Variants in MRS2 observed in about 807,000 individuals in gnomAD.
MRS2 encodes magnesium transporter MRS2, also known as magnesium transporter MRS2 homolog, mitochondrial.
Under a neutral mutation model 52.6 loss-of-function variants are expected in MRS2, and 40 were observed. The observed-to-expected ratio is 0.76, with a 90% CI of 0.59 to 0.99. The LOEUF is 0.99. Ranked by LOEUF, MRS2 falls within the 50% of genes least tolerant of loss-of-function variation. The probability of loss-of-function intolerance (pLI) is 0.00; values close to 1 mark genes in which losing one functional copy is unlikely to be tolerated. For synonymous variants in MRS2, 193 were observed against 195.9 expected, an observed-to-expected ratio of 0.98 and a Z score of 0.13; for missense variants, 472 against 532.7, an observed-to-expected ratio of 0.89 and a Z score of 1.12.
At chr6:24,412,620 CAT>C (rs1444164166) in intron 5 of MRS2, among the ~76,000 whole-genome samples, 1 of 152,186 alleles carries the variant, frequency 6.6e-6, no homozygotes, top group Non-Finnish European at 1.5e-5. Context: ...AAATGCTTGA[CAT>C]GTGATAATTA....
At chr6:24,415,241 CT>C (rs1761808124) in intron 6 of MRS2, 78 bp downstream of exon 6, 4 of 1,444,228 alleles carry the variant, frequency 2.8e-6, no homozygotes, top group Admixed American at 2.0e-5. Flanking sequence ...TGTTTCATAA[CT>C]TTTTTTAAAG....
intron 8 of MRS2, 108 bp from the exon 9 acceptor site, chr6:24,418,346 TATTATTA>T: frequency 8.2e-7 from 1 of 1,212,908 alleles, no homozygotes; most frequent in Non-Finnish European, 1.1e-6. Flanking sequence ...TATACTACAT[TATTATTA>T]TTTTTTTTGT....
rs1761933387 is a variant in MRS2 at position 24,418,510 on chromosome 6, TTC to T, written c.1045_1046del (p.Leu349PhefsTer19). The T allele has an allele frequency of 3.7e-6, 6 of 1,614,090 alleles. No homozygotes were observed. Among genetic ancestry groups the T allele is most frequent in the Non-Finnish European group, 4.2e-6 (5 of 1,179,968 alleles). Reference sequence around the variant, plus strand: ...GAATCTACAGCTGACCATGGGAACCTTCTCTCTTTCGCTCTTTGGACTAATGG... The same window carrying T: ...GAATCTACAGCTGACCATGGGAACCTTCTCTTTCGCTCTTTGGACTAATGG... ...RLNLQLTMGTFSLSLFGLMGV... is the reference protein window; with the variant it reads ...RLNLQLTMGTXSLSLFGLMGV... On this transcript the variant is annotated frameshift_variant, in exon 9 of 11. Transcript: ENST00000378386. LOFTEE classifies it high-confidence loss of function.
At position 24,416,465 on chromosome 6, in the gene MRS2, A is replaced by G; in HGVS notation, c.788A>G (p.Glu263Gly). 1 of 1,605,604 alleles carries G rather than the reference A, an allele frequency of 6.2e-7. No homozygotes were observed. Among genetic ancestry groups the G allele is most frequent in the Non-Finnish European group, 8.5e-7 (1 of 1,173,156 alleles). Reference protein sequence around the residue: ...ESILEILDEEELLEELCVSKW... With the variant: ...ESILEILDEEGLLEELCVSKW... The stretch of plus-strand genomic sequence containing the variant: ...ATTTTGGAGATCTTGGATGAGGAAG[A>G]GTTGCTAGAAGAGCTCTGTGTATCA... Residue 263 changes from glutamate to glycine, a missense_variant, in exon 7 of 11, where the codon GAG becomes GGG. Transcript: ENST00000378386.
At chr6:24,405,626 G>A (rs2127280814) in intron 2 of MRS2, among the ~76,000 whole-genome samples, 1 of 151,890 alleles carries the variant, frequency 6.6e-6, no homozygotes, top group African/African-American at 2.4e-5. Flanking sequence ...TTCGGGGGTG[G>A]GGATGAGGGG....
chr6:24,423,211 C>A, intron 10 of MRS2, 161 bp downstream of exon 10: 1 of 596,140 alleles, frequency 1.7e-6, no homozygotes, highest in Non-Finnish European at 3.0e-6. Flanking sequence ...GTCGGTATTA[C>A]CTGCTTCATA....
Position 24,402,948 on chromosome 6 carries a change from G to A in MRS2, c.-99G>A. The A allele has an allele frequency of 1.7e-6, 2 of 1,164,614 alleles. No individual in the cohort carries two copies. The highest frequency in any genetic ancestry group is 2.4e-6 in the Non-Finnish European group (2 of 838,644). 72.1% of individuals were successfully genotyped at this position (1,164,614 alleles called of 1,614,324 possible). On this transcript the variant is annotated 5_prime_UTR_variant, in exon 1 of 11. Coordinates refer to ENST00000378386, the MANE Select transcript of MRS2 (RefSeq NM_020662.4). ...GCATGCCTGGTGCACAGAGTCTGCA[G>A]GTCGGGCGGTAGCGACAGGTCAGAG...
chr6:24,404,236 T>C (rs998417964), intron 1 of MRS2, among the ~76,000 whole-genome samples: 2 of 148,814 alleles, frequency 1.3e-5, no homozygotes, highest in Non-Finnish European at 3.0e-5. Context: ...TTTCAGCAAG[T>C]TGGAGGAAAC....
At chr6:24,403,927 C>T (rs1197011549) in intron 1 of MRS2, among the ~76,000 whole-genome samples, 2 of 151,934 alleles carry the variant, frequency 1.3e-5, no homozygotes, top group Non-Finnish European at 2.9e-5. Flanking sequence ...AGTAAACAGC[C>T]AGGGAGATCG....
At chr6:24,423,241 A>G in intron 10 of MRS2, 191 bp downstream of exon 10, 2 of 557,266 alleles carry the variant, frequency 3.6e-6, no homozygotes, top group Non-Finnish European at 6.4e-6. Context: ...GAAGAATTAA[A>G]CAATATGTGT....
chr6:24,423,505 G>A (rs1264720292), intron 10 of MRS2, 79 bp from the exon 11 acceptor site: 2 of 704,928 alleles, frequency 2.8e-6, no homozygotes, highest in East Asian at 5.5e-5. Flanking sequence ...TCTTCACTGA[G>A]TAGTTACATA....
chr6:24,415,169 T>G lies in MRS2; in HGVS notation c.719+6T>G. On this transcript the variant is annotated splice_donor_region_variant and intron_variant, in intron 6 of 10. Coordinates refer to ENST00000378386, the MANE Select transcript of MRS2 (RefSeq NM_020662.4). ...TTACTACAGAATGGCAAAAGGTAAATATGGATGATGTATCACATTGGGAGT... is the reference window on the plus strand; with the variant it reads ...TTACTACAGAATGGCAAAAGGTAAAGATGGATGATGTATCACATTGGGAGT... 6.4e-7 allele frequency: 1 copy of G among 1,572,620 alleles called. No homozygotes were observed. The highest frequency in any genetic ancestry group is 8.7e-7 in the Non-Finnish European group (1 of 1,150,260).
Position 24,416,403 on chromosome 6 carries a change from A to T in MRS2, c.726A>T (p.Ser242=). ...GTGTATCTATTTCTTATAGTCTATC[A>T]GAGTTAGAAACAGATATTAAAATTT... ...HILLQNGKSL[S]ELETDIKIFK... The change falls in exon 7 of 11, where the codon TCA becomes TCT. Residue 242 remains serine (S), a synonymous_variant. Transcript: ENST00000378386. 7.4e-7 allele frequency: 1 copy of T among 1,352,704 alleles called. No homozygotes were observed. Among genetic ancestry groups the T allele is most frequent in the Non-Finnish European group, 1.1e-6 (1 of 946,672 alleles). The allele number at this position is 1,352,704 out of a possible 1,614,324, so 83.8% of individuals were successfully genotyped here. A position where few individuals can be genotyped will look rare whatever the true frequency, so the allele number is the denominator to read the frequency against.
intron 9 of MRS2, among the ~76,000 whole-genome samples, chr6:24,421,009 T>A (rs1272972968): frequency 6.6e-6 from 1 of 152,130 alleles, no homozygotes; most frequent in Non-Finnish European, 1.5e-5. Context: ...GAATACCTTG[T>A]GCAACATAAT....
intron 4 of MRS2, chr6:24,410,623 C>A: frequency 1.2e-6 from 1 of 842,596 alleles, no homozygotes; most frequent in Non-Finnish European, 1.7e-6. Context: ...GAGTTTGTGA[C>A]CAGCCTAAGC....
chr6:24,405,691 T>C (rs1279892009), intron 2 of MRS2, among the ~76,000 whole-genome samples: 6 of 151,246 alleles, frequency 4.0e-5, no homozygotes, highest in Admixed American at 1.3e-4. Context: ...AAGAAGGCTG[T>C]TGGGGCAAAA....
At chr6:24,413,125 C>G (rs1170168509) in intron 5 of MRS2, among the ~76,000 whole-genome samples, 1 of 152,026 alleles carries the variant, frequency 6.6e-6, no homozygotes, top group Non-Finnish European at 1.5e-5. Context: ...GCCCAGTTAC[C>G]AAGCAGGGGG....
chr6:24,422,326 AATTCTGTG>A (rs1762072021), intron 9 of MRS2, among the ~76,000 whole-genome samples: 1 of 152,014 alleles, frequency 6.6e-6, no homozygotes, highest in Admixed American at 6.6e-5. Context: ...ATTAAATTTA[AATTCTGTG>A]ATTCTGTACA....
chr6:24,406,962 G>A (rs890712679), intron 2 of MRS2, among the ~76,000 whole-genome samples: 5 of 151,968 alleles, frequency 3.3e-5, no homozygotes, highest in Non-Finnish European at 1.5e-5. Context: ...TTTATAATTT[G>A]TATGATTTAA....
Sources: gnomAD v4.1 joint callset for allele counts (sites outside exome capture counted in the v4.1 genomes callset) on GRCh38, gnomAD v4.1.1 for gene constraint, MANE v1.5 for transcripts, NCBI Gene and HGNC (gene_info 2026-07-23, HGNC 2026-07-21) for gene names.